PRKG1: variants seen among roughly 807,000 people sequenced by gnomAD.
PRKG1 encodes protein kinase cGMP-dependent 1.
A neutral mutation model predicts 88.1 loss-of-function variants in PRKG1; 35 were observed. The ratio of observed to expected loss-of-function variants is 0.40; its 90% confidence interval spans 0.30 to 0.53. PRKG1 has a LOEUF of 0.53. Ranked by LOEUF, PRKG1 falls within the 20% of genes least tolerant of loss-of-function variation. The pLI is 0.59. For missense variants in PRKG1, 540 were observed against 839.8 expected, an observed-to-expected ratio of 0.64 and a Z score of 4.41; for synonymous variants, 303 against 292.5, an observed-to-expected ratio of 1.04 and a Z score of -0.37.
intron 2 of PRKG1, among the ~76,000 whole-genome samples, chr10:51,248,813 C>A (rs1052790863): frequency 1.3e-5 from 2 of 149,316 alleles, no homozygotes; most frequent in Non-Finnish European, 1.5e-5. Context: ...CAAAAAAAAA[C>A]AACTAATGAA....
At chr10:51,073,125 C>A (rs372318574), upstream of PRKG1, among the ~76,000 whole-genome samples, 1 of 152,072 alleles carries the variant, frequency 6.6e-6, no homozygotes, top group Non-Finnish European at 1.5e-5. Flanking sequence ...ACGTATTAGG[C>A]AGATATTTGG....
chr10:51,574,663 T>A lies in PRKG1; in HGVS notation c.592+106827T>A, dbSNP rs1027502585. On this transcript the variant is annotated intron_variant, in intron 3 of 17. Transcript: ENST00000373980. The stretch of plus-strand genomic sequence containing the variant: ...AAATTAGTCTCTTTGAACCTCAATT[T>A]CTTCAACCATCAAAGATACATAACA... 3.9e-5 allele frequency among the ~76,000 whole-genome samples: 6 copies of A among 152,104 alleles called. No homozygotes were observed. The East Asian group carries it at 1.2e-3, about 29-fold the overall frequency.
intron 10 of PRKG1, among the ~76,000 whole-genome samples, chr10:52,263,306 A>T (rs1841479475): frequency 6.6e-6 from 1 of 152,092 alleles, no homozygotes; most frequent in Non-Finnish European, 1.5e-5. Flanking sequence ...AATTCTTTAA[A>T]ATGTAAATGA....
intron 3 of PRKG1, among the ~76,000 whole-genome samples, chr10:51,481,077 G>GA (rs1427131955): frequency 6.6e-6 from 1 of 151,850 alleles, no homozygotes; most frequent in Non-Finnish European, 1.5e-5. Flanking sequence ...CTATCTTTCT[G>GA]AAAAAAGTCA....
chr10:51,531,359 C>T (rs1842011264), intron 3 of PRKG1, among the ~76,000 whole-genome samples: 1 of 152,024 alleles, frequency 6.6e-6, no homozygotes, highest in Admixed American at 6.5e-5. Context: ...CATTAAGTAA[C>T]AAAATAAAAC....
chr10:52,175,568 C>T (rs1838840786), intron 9 of PRKG1, among the ~76,000 whole-genome samples: 1 of 152,040 alleles, frequency 6.6e-6, no homozygotes, highest in Non-Finnish European at 1.5e-5. Flanking sequence ...CGTGGAACTT[C>T]ATACTGTTCT....
At chr10:51,742,630 T>C (rs886750195) in intron 3 of PRKG1, among the ~76,000 whole-genome samples, 1 of 152,132 alleles carries the variant, frequency 6.6e-6, no homozygotes, top group Non-Finnish European at 1.5e-5. Flanking sequence ...GGAGTTGTGG[T>C]GGGTGCTGAG....
At chr10:51,649,626 T>C (rs1839991933) in intron 3 of PRKG1, among the ~76,000 whole-genome samples, 1 of 152,148 alleles carries the variant, frequency 6.6e-6, no homozygotes, top group Admixed American at 6.5e-5. Flanking sequence ...GAACAAAGAA[T>C]TGGACAAAAT....
chr10:51,759,774 A>ATGTG (rs371763530), intron 3 of PRKG1, among the ~76,000 whole-genome samples: 1 of 150,590 alleles, frequency 6.6e-6, no homozygotes, highest in South Asian at 2.1e-4. Context: ...GCATGTGTGT[A>ATGTG]TGTGTGTGTG....
chr10:52,257,641 T>A (rs574818349), intron 10 of PRKG1, among the ~76,000 whole-genome samples: 2 of 140,082 alleles, frequency 1.4e-5, no homozygotes, highest in East Asian at 4.1e-4. Context: ...GACTCAATAC[T>A]GGTTGAAACT....
At chr10:52,206,959 G>T (rs1839835586) in intron 9 of PRKG1, among the ~76,000 whole-genome samples, 1 of 152,242 alleles carries the variant, frequency 6.6e-6, no homozygotes, top group African/African-American at 2.4e-5. Context: ...CACAATGGTG[G>T]TAAAAGTCGG....
intron 3 of PRKG1, among the ~76,000 whole-genome samples, chr10:51,561,666 G>C (rs4935265): frequency 0.15 from 22,241 of 151,988 alleles, 1,795 homozygotes; most frequent in African/African-American, 0.21. Flanking sequence ...GTGGGGAAGT[G>C]GAGAAGGGGA....
At chr10:51,950,860 C>T (rs1056272916) in intron 5 of PRKG1, among the ~76,000 whole-genome samples, 2 of 152,164 alleles carry the variant, frequency 1.3e-5, no homozygotes, top group Non-Finnish European at 2.9e-5. Flanking sequence ...GTTATGCTGA[C>T]AATTGAAGCA....
rs1223898980 is a variant in PRKG1 at position 51,553,402 on chromosome 10, A to G, written c.592+85566A>G. On this transcript the variant is annotated intron_variant, in intron 3 of 17. Transcript: ENST00000373980. ...GGTTTTCATGCTTTTTTGTGTGTGA[A>G]CTGTCATAATTAAGGTGAATTGGAA... 2.6e-5 allele frequency among the ~76,000 whole-genome samples: 4 copies of G among 151,806 alleles called. No homozygotes were observed. The South Asian group carries it at 8.3e-4, about 31-fold the overall frequency.
chr10:51,332,260 T>G (rs1452518334), intron 2 of PRKG1, among the ~76,000 whole-genome samples: 1 of 152,144 alleles, frequency 6.6e-6, no homozygotes, highest in Non-Finnish European at 1.5e-5. Context: ...TAGAATGAGG[T>G]CCTAATGAAA....
intron 4 of PRKG1, among the ~76,000 whole-genome samples, chr10:51,883,404 T>C (rs180807743): frequency 5.3e-5 from 8 of 152,342 alleles, no homozygotes; most frequent in African/African-American, 1.7e-4. Flanking sequence ...TAGATATAGA[T>C]CCTATTAGTT....
intron 7 of PRKG1, among the ~76,000 whole-genome samples, chr10:52,064,231 C>A (rs1163762378): frequency 6.6e-6 from 1 of 152,144 alleles, no homozygotes; most frequent in Non-Finnish European, 1.5e-5. Flanking sequence ...TGCTCATTGG[C>A]ACCCAAAGCC....
intron 3 of PRKG1, among the ~76,000 whole-genome samples, chr10:51,643,517 T>C (rs1839848687): frequency 6.6e-6 from 1 of 152,206 alleles, no homozygotes; most frequent in Admixed American, 6.5e-5. Flanking sequence ...CATTGGCAGC[T>C]TTTTTATAAA....
At chr10:51,227,139 A>G (rs1838714127) in intron 2 of PRKG1, among the ~76,000 whole-genome samples, 1 of 149,994 alleles carries the variant, frequency 6.7e-6, no homozygotes, top group Non-Finnish European at 1.5e-5. Context: ...AATTATATAT[A>G]TTATAAATAT....
Sources: allele counts gnomAD v4.1 joint callset (sites outside exome capture counted in the v4.1 genomes callset), GRCh38; gene constraint gnomAD v4.1.1; transcripts MANE v1.5; gene names NCBI Gene and HGNC (gene_info 2026-07-23, HGNC 2026-07-21).